Variants in WWOX observed in about 807,000 individuals in gnomAD.
The protein encoded by WWOX is WW domain containing oxidoreductase, also known as WW domain-containing oxidoreductase.
A neutral mutation model predicts 46.2 loss-of-function variants in WWOX; 69 were observed. That is an observed-to-expected ratio of 1.49 (90% confidence interval 1.23 to 1.82). The LOEUF (loss-of-function observed/expected upper bound fraction) is 1.82. Among genes scored for constraint, WWOX ranks in the 40% most tolerant of loss-of-function variants. The probability of loss-of-function intolerance (pLI) is 0.00; values close to 1 mark genes in which losing one functional copy is unlikely to be tolerated. For synonymous variants in WWOX, 359 were observed against 202.6 expected (o/e 1.77, Z -6.56); for missense variants, 919 against 542.6 (o/e 1.69, Z -6.89).
At chr16:78,830,868 C>G (rs995790285) in intron 8 of WWOX, among the ~76,000 whole-genome samples, 10 of 152,022 alleles carry the variant, frequency 6.6e-5, no homozygotes, top group African/African-American at 2.4e-4. Context: ...CTCCTACAGC[C>G]CCATCCTTAC....
intron 8 of WWOX, among the ~76,000 whole-genome samples, chr16:78,787,452 T>C (rs1165022277): frequency 1.3e-5 from 2 of 152,344 alleles, no homozygotes; most frequent in South Asian, 2.1e-4. Flanking sequence ...TTCTTGCTTT[T>C]AGCATGCTTT....
intron 8 of WWOX, among the ~76,000 whole-genome samples, chr16:78,926,494 T>G (rs540319494): frequency 6.6e-6 from 1 of 152,356 alleles, no homozygotes; most frequent in African/African-American, 2.4e-5. Context: ...TCCATCCTTG[T>G]CTTTGAGGAG....
chr16:78,368,682 C>A (rs1280994925), intron 5 of WWOX, among the ~76,000 whole-genome samples: 1 of 152,048 alleles, frequency 6.6e-6, no homozygotes, highest in Non-Finnish European at 1.5e-5. Context: ...AGGTGGTGTC[C>A]CCTCCCTTCC....
chr16:78,360,198 G>C (rs967350265), intron 5 of WWOX, among the ~76,000 whole-genome samples: 5 of 152,176 alleles, frequency 3.3e-5, no homozygotes, highest in Non-Finnish European at 5.9e-5. Flanking sequence ...TTTGACACCA[G>C]ATATTGTGAG....
intron 4 of WWOX, among the ~76,000 whole-genome samples, chr16:78,115,932 TC>T (rs1245552528): frequency 3.9e-5 from 6 of 152,168 alleles, no homozygotes. Flanking sequence ...GTCCTTTTGG[TC>T]CCCCGCAGCC....
At chr16:78,865,823 T>C (rs1222948511) in intron 8 of WWOX, among the ~76,000 whole-genome samples, 1 of 152,208 alleles carries the variant, frequency 6.6e-6, no homozygotes, top group Admixed American at 6.5e-5. Context: ...GAGTTTGCAG[T>C]GAGCCAGATT....
At chr16:79,209,547 G>C (rs2051643354) in intron 8 of WWOX, among the ~76,000 whole-genome samples, 1 of 152,126 alleles carries the variant, frequency 6.6e-6, no homozygotes, top group Non-Finnish European at 1.5e-5. Flanking sequence ...GGGTGAGCTG[G>C]ATTCTCCCAC....
chr16:78,136,579 C>T (rs770022501), intron 4 of WWOX, among the ~76,000 whole-genome samples: 1 of 152,242 alleles, frequency 6.6e-6, no homozygotes, highest in African/African-American at 2.4e-5. Context: ...AATGTGTAGC[C>T]GTGTTATTCT....
intron 8 of WWOX, among the ~76,000 whole-genome samples, chr16:78,718,630 C>G (rs886772608): frequency 1.3e-5 from 2 of 151,894 alleles, no homozygotes; most frequent in African/African-American, 4.8e-5. Context: ...ATCCCTTGAG[C>G]CCAGGATTTT....
intron 5 of WWOX, among the ~76,000 whole-genome samples, chr16:78,242,822 A>G (rs555195375): frequency 3.9e-5 from 6 of 152,298 alleles, no homozygotes; most frequent in African/African-American, 1.4e-4. Flanking sequence ...AGCCTGGCCA[A>G]CATGGTGAAA....
intron 8 of WWOX, among the ~76,000 whole-genome samples, chr16:78,511,075 G>A (rs567663442): frequency 6.6e-6 from 1 of 152,334 alleles, no homozygotes; most frequent in Non-Finnish European, 1.5e-5. Flanking sequence ...TAGTCCCAGG[G>A]TGTTTTCAGA....
intron 4 of WWOX, among the ~76,000 whole-genome samples, chr16:78,134,783 G>A (rs1004654232): frequency 1.3e-5 from 2 of 152,182 alleles, no homozygotes; most frequent in African/African-American, 2.4e-5. Flanking sequence ...TATAACGTTG[G>A]TTTTAGAAAG....
In WWOX at chr16:78,646,606, T is replaced by C. The variant is rs536630617; in HGVS notation, c.1056+213854T>C. 2.0e-5 allele frequency among the ~76,000 whole-genome samples: 3 copies of C among 152,298 alleles called. No individual in the cohort carries two copies. The East Asian group carries it at 5.8e-4, about 29-fold the overall frequency. ...CTACTCCCGGCTAATTTTTGTCTTTTTAGTAGAGACTAGGTTTCACCATGT... is the reference window on the plus strand; with the variant it reads ...CTACTCCCGGCTAATTTTTGTCTTTCTAGTAGAGACTAGGTTTCACCATGT... On this transcript the variant is annotated intron_variant, in intron 8 of 8. Transcript: ENST00000566780.
At chr16:78,642,601 C>A (rs566823491) in intron 8 of WWOX, among the ~76,000 whole-genome samples, 1 of 152,080 alleles carries the variant, frequency 6.6e-6, no homozygotes, top group South Asian at 2.1e-4. Flanking sequence ...GTTGAGTCTC[C>A]ATGTTTTTGT....
intron 8 of WWOX, among the ~76,000 whole-genome samples, chr16:79,082,394 A>G (rs1294692826): frequency 6.6e-6 from 1 of 152,144 alleles, no homozygotes; most frequent in African/African-American, 2.4e-5. Flanking sequence ...ATTTGTTATG[A>G]GAGTTACATC....
At chr16:78,447,028 A>AG (rs1156872414) in intron 8 of WWOX, among the ~76,000 whole-genome samples, 7 of 152,156 alleles carry the variant, frequency 4.6e-5, no homozygotes, top group Non-Finnish European at 1.0e-4. Flanking sequence ...TCATGATGGC[A>AG]GGATGTCTTA....
intron 8 of WWOX, among the ~76,000 whole-genome samples, chr16:78,570,444 G>C (rs1261168005): frequency 6.6e-6 from 1 of 152,094 alleles, no homozygotes; most frequent in Non-Finnish European, 1.5e-5. Context: ...GAGTAGCTGG[G>C]ATTACAGGCA....
intron 8 of WWOX, among the ~76,000 whole-genome samples, chr16:79,011,086 G>T (rs141636509): frequency 6.6e-6 from 1 of 150,596 alleles, no homozygotes; most frequent in Non-Finnish European, 1.5e-5. Flanking sequence ...TATGTGACAT[G>T]TATCTTTACA....
intron 5 of WWOX, among the ~76,000 whole-genome samples, chr16:78,288,754 A>G (rs1055958866): frequency 3.3e-5 from 5 of 152,168 alleles, no homozygotes; most frequent in African/African-American, 9.7e-5. Flanking sequence ...ACTAACCACA[A>G]TGGGTCATAA....
Sources: allele counts gnomAD v4.1 joint callset (sites outside exome capture counted in the v4.1 genomes callset), GRCh38; gene constraint gnomAD v4.1.1; transcripts MANE v1.5; gene names NCBI Gene and HGNC (gene_info 2026-07-23, HGNC 2026-07-21).